GLIS3: variants seen among roughly 807,000 people sequenced by gnomAD.
GLIS3 encodes zinc finger protein GLIS3.
Under a neutral mutation model 78.6 loss-of-function variants are expected in GLIS3, and 53 were observed. The ratio of observed to expected loss-of-function variants is 0.67; its 90% CI spans 0.54 to 0.85. The LOEUF is 0.85. Among genes scored for constraint, GLIS3 ranks in the 40% least tolerant of loss-of-function variants. The probability of loss-of-function intolerance (pLI) is 0.00; values close to 1 mark genes in which losing one functional copy is unlikely to be tolerated. For synonymous variants in GLIS3, 684 were observed against 509.9 expected, an observed-to-expected ratio of 1.34 and a Z score of -4.60; for missense variants, 1,703 against 1,231.1, an observed-to-expected ratio of 1.38 and a Z score of -5.74.
chr9:4,382,156 C>G, the GLIS3 span, among the ~76,000 whole-genome samples: 2 of 152,210 alleles, frequency 1.3e-5, no homozygotes, highest in Non-Finnish European at 2.9e-5. Context: ...TAGTAAATCC[C>G]TTTTATTTGA....
chr9:4,190,816 C>T (rs926984550), intron 2 of GLIS3, among the ~76,000 whole-genome samples: 4 of 152,240 alleles, frequency 2.6e-5, no homozygotes, highest in Non-Finnish European at 5.9e-5. Context: ...GAAAGCCCAT[C>T]TGACTAACAG....
chr9:3,961,332 G>A (rs1817535948), intron 4 of GLIS3, among the ~76,000 whole-genome samples: 1 of 152,156 alleles, frequency 6.6e-6, no homozygotes, highest in Non-Finnish European at 1.5e-5. Context: ...CAAACAAGTA[G>A]AATGAATAAA....
At chr9:4,142,404 A>C (rs1323635360) in intron 2 of GLIS3, among the ~76,000 whole-genome samples, 1 of 152,216 alleles carries the variant, frequency 6.6e-6, no homozygotes, top group Non-Finnish European at 1.5e-5. Context: ...GAAGGAGAGA[A>C]ACAAAATCCT....
chr9:4,190,625 A>G (rs1321601818), intron 2 of GLIS3, among the ~76,000 whole-genome samples: 2 of 151,822 alleles, frequency 1.3e-5, no homozygotes, highest in Admixed American at 1.3e-4. Context: ...ATTATCCAGG[A>G]GAACTTCCCC....
the GLIS3 span, among the ~76,000 whole-genome samples, chr9:4,356,252 C>T: frequency 3.9e-5 from 6 of 152,162 alleles, no homozygotes; most frequent in Admixed American, 2.6e-4. Context: ...GCAGCAGAGC[C>T]GGAGAGACTG....
chr9:3,950,515 TTCCC>T (rs1816607873), intron 4 of GLIS3, among the ~76,000 whole-genome samples: 1 of 152,240 alleles, frequency 6.6e-6, no homozygotes, highest in Non-Finnish European at 1.5e-5. Context: ...ACCATGCCCC[TTCCC>T]ACCTCAGGGC....
At chr9:4,399,947 A>G in the GLIS3 span, among the ~76,000 whole-genome samples, 12 of 152,290 alleles carry the variant, frequency 7.9e-5, no homozygotes, top group Non-Finnish European at 1.5e-4. Context: ...TCAATACAGC[A>G]TGGTTGGAGC....
rs1298200588 is a variant in GLIS3, at chr9:3,862,803, A to G, written c.2298-6619T>C. ...CGGCTACAGACCTCCCAAAGAAGGA[A>G]GGATTCATTAGAACAGCTTGTTTCA... On this transcript the variant is annotated intron_variant, in intron 8 of 10. Transcript: ENST00000381971. Among the ~76,000 whole-genome samples the G allele has an allele frequency of 2.0e-5, 3 of 152,188 alleles. No homozygotes were observed. In the East Asian group the frequency reaches 5.8e-4, roughly 29 times the overall value.
chr9:3,993,838 A>AT (rs527306479), intron 4 of GLIS3, among the ~76,000 whole-genome samples: 7 of 151,958 alleles, frequency 4.6e-5, no homozygotes, highest in East Asian at 3.9e-4. Context: ...AAAAATTGTC[A>AT]TTTTTTTTCT....
At chr9:4,021,384 A>G (rs1290155441) in intron 4 of GLIS3, among the ~76,000 whole-genome samples, 1 of 152,180 alleles carries the variant, frequency 6.6e-6, no homozygotes, top group African/African-American at 2.4e-5. Flanking sequence ...AACCTATCCT[A>G]ATCAAACTTA....
At chr9:4,160,509 C>T (rs569897750) in intron 2 of GLIS3, among the ~76,000 whole-genome samples, 2 of 152,360 alleles carry the variant, frequency 1.3e-5, no homozygotes, top group Non-Finnish European at 1.5e-5. Context: ...AGCAAAGTGA[C>T]ATGCGATACA....
chr9:4,181,030 C>G (rs192081189), intron 2 of GLIS3, among the ~76,000 whole-genome samples: 23 of 152,282 alleles, frequency 1.5e-4, no homozygotes, highest in African/African-American at 4.8e-4. Flanking sequence ...CCACCTCAGA[C>G]AGGTAAGATG....
chr9:4,302,544 G>A (rs149475399), upstream of GLIS3, among the ~76,000 whole-genome samples: 1 of 152,228 alleles, frequency 6.6e-6, no homozygotes, highest in Non-Finnish European at 1.5e-5. Context: ...AAGAAATGGG[G>A]ACTCTTTGCA....
intron 4 of GLIS3, among the ~76,000 whole-genome samples, chr9:4,092,152 A>ATTTTT (rs112790451): frequency 7.3e-6 from 1 of 137,622 alleles, no homozygotes. Flanking sequence ...CTGTTTTACA[A>ATTTTT]TTTTTTTTTT....
intron 3 of GLIS3, among the ~76,000 whole-genome samples, chr9:4,309,239 A>C (rs992456357): frequency 6.6e-6 from 1 of 152,242 alleles, no homozygotes; most frequent in African/African-American, 2.4e-5. Context: ...CTGTCTACAT[A>C]ATAGGCACTC....
intron 7 of GLIS3, among the ~76,000 whole-genome samples, chr9:3,892,891 A>G (rs1181246929): frequency 1.3e-5 from 2 of 152,166 alleles, no homozygotes; most frequent in Non-Finnish European, 2.9e-5. Flanking sequence ...GGTACACCTC[A>G]GAGTATAATA....
intron 6 of GLIS3, among the ~76,000 whole-genome samples, chr9:3,914,206 C>T (rs898677506): frequency 2.0e-5 from 3 of 152,094 alleles, no homozygotes; most frequent in Admixed American, 6.5e-5. Context: ...AGTGCAATGG[C>T]GTGATCATAG....
At chr9:4,099,536 G>A (rs1830212033) in intron 4 of GLIS3, among the ~76,000 whole-genome samples, 2 of 152,108 alleles carry the variant, frequency 1.3e-5, no homozygotes, top group Admixed American at 1.3e-4. Context: ...CCTAATGAAT[G>A]CATTTCAACT....
At chr9:4,124,838 G>T (rs1402562580) in intron 3 of GLIS3, among the ~76,000 whole-genome samples, 1 of 152,198 alleles carries the variant, frequency 6.6e-6, no homozygotes, top group Non-Finnish European at 1.5e-5. Flanking sequence ...AAATTCCTTT[G>T]CAAGACCATA....
Sources: gnomAD v4.1 joint callset for allele counts (sites outside exome capture counted in the v4.1 genomes callset) on GRCh38, gnomAD v4.1.1 for gene constraint, MANE v1.5 for transcripts, NCBI Gene and HGNC (gene_info 2026-07-23, HGNC 2026-07-21) for gene names.